NCALD: variants seen among roughly 807,000 people sequenced by gnomAD.
The protein encoded by NCALD is neurocalcin-delta.
A neutral mutation model predicts 18.6 loss-of-function variants in NCALD; 10 were observed. The observed-to-expected ratio is 0.54, with a 90% confidence interval of 0.33 to 0.91. NCALD has a LOEUF of 0.91. NCALD is among the 40% of genes least tolerant of loss of function. The pLI is 0.03. For missense variants in NCALD, 184 were observed against 247.6 expected, an observed-to-expected ratio of 0.74 and a Z score of 1.72; for synonymous variants, 88 against 87.4, an observed-to-expected ratio of 1.01 and a Z score of -0.04.
intron 4 of NCALD, among the ~76,000 whole-genome samples, chr8:101,865,656 T>C (rs1296404839): frequency 7.0e-6 from 1 of 142,758 alleles, no homozygotes; most frequent in East Asian, 1.9e-4. Context: ...TTTGTGCATA[T>C]GATATTTCTT....
chr8:102,041,406 C>T (rs1823045017), intron 1 of NCALD, among the ~76,000 whole-genome samples: 1 of 152,216 alleles, frequency 6.6e-6, no homozygotes, highest in African/African-American at 2.4e-5. Context: ...CCTAGAAGAT[C>T]CAAGAAGTGA....
chr8:101,942,340 T>C (rs1309195669), intron 2 of NCALD, among the ~76,000 whole-genome samples: 1 of 152,218 alleles, frequency 6.6e-6, no homozygotes, highest in Non-Finnish European at 1.5e-5. Flanking sequence ...TTCTGTGCTA[T>C]GGCAACTTTT....
chr8:102,073,937 T>C (rs1247146577), intron 1 of NCALD, among the ~76,000 whole-genome samples: 1 of 152,220 alleles, frequency 6.6e-6, no homozygotes, highest in Admixed American at 6.5e-5. Flanking sequence ...AATCTGGCAG[T>C]TGAATTGGAA....
chr8:101,813,397 T>A (rs1188971022), intron 4 of NCALD, among the ~76,000 whole-genome samples: 1 of 152,080 alleles, frequency 6.6e-6, no homozygotes, highest in Non-Finnish European at 1.5e-5. Context: ...GAGCACATGA[T>A]GAACTGGGCA....
At chr8:102,092,004 G>A (rs904021191) in intron 1 of NCALD, among the ~76,000 whole-genome samples, 16 of 152,200 alleles carry the variant, frequency 1.1e-4, no homozygotes, top group African/African-American at 3.1e-4. Context: ...GGTAAAATGA[G>A]GCTGAGACGT....
chr8:101,993,443 G>A (rs1821125632), intron 2 of NCALD, among the ~76,000 whole-genome samples: 1 of 152,228 alleles, frequency 6.6e-6, no homozygotes, highest in South Asian at 2.1e-4. Flanking sequence ...GCAAAGGGAA[G>A]AGGAGCTCCA....
chr8:101,784,146 G>A (rs537362552), intron 1 of NCALD, among the ~76,000 whole-genome samples: 3 of 152,214 alleles, frequency 2.0e-5, no homozygotes, highest in African/African-American at 7.2e-5. Context: ...TCAGGAGGGG[G>A]AAGGAAGACC....
intron 1 of NCALD, among the ~76,000 whole-genome samples, chr8:102,063,866 C>T (rs1261628448): frequency 6.6e-6 from 1 of 152,182 alleles, no homozygotes; most frequent in Non-Finnish European, 1.5e-5. Flanking sequence ...AAAACAGCTC[C>T]TGCTTCATCC....
chr8:101,779,668 AC>A (rs1465090389), intron 1 of NCALD, among the ~76,000 whole-genome samples: 4 of 152,108 alleles, frequency 2.6e-5, no homozygotes, highest in Non-Finnish European at 5.9e-5. Context: ...TATAATTTTC[AC>A]CAAGAGAACA....
chr8:101,868,346 G>T (rs1026802418), intron 4 of NCALD, among the ~76,000 whole-genome samples: 8 of 152,118 alleles, frequency 5.3e-5, no homozygotes, highest in Non-Finnish European at 1.5e-5. Context: ...AGGGATCCCG[G>T]AATTCCCTGT....
chr8:102,086,776 C>T (rs1323525688), intron 1 of NCALD, among the ~76,000 whole-genome samples: 3 of 152,168 alleles, frequency 2.0e-5, no homozygotes, highest in African/African-American at 7.2e-5. Context: ...ACTGTTAAAG[C>T]ATTCAAAGTC....
At chr8:101,804,389 T>C (rs1183351037) in intron 4 of NCALD, among the ~76,000 whole-genome samples, 1 of 110,782 alleles carries the variant, frequency 9.0e-6, no homozygotes, top group Non-Finnish European at 1.7e-5. Context: ...TTACTATATA[T>C]AGAAATATAT....
At chr8:101,986,768 C>G (rs1167230788) in intron 2 of NCALD, among the ~76,000 whole-genome samples, 1 of 152,202 alleles carries the variant, frequency 6.6e-6, no homozygotes, top group Non-Finnish European at 1.5e-5. Context: ...GTTAATAGAA[C>G]TAAATAATTA....
chr8:102,081,563 A>C (rs1451246334), intron 1 of NCALD, among the ~76,000 whole-genome samples: 40 of 108,430 alleles, frequency 3.7e-4, no homozygotes, highest in South Asian at 6.7e-4. Flanking sequence ...AAAAAAAAAA[A>C]AAAAAAAAAA....
chr8:101,902,742 C>T (rs1303748727), intron 3 of NCALD, among the ~76,000 whole-genome samples: 2 of 152,164 alleles, frequency 1.3e-5, no homozygotes, highest in East Asian at 1.9e-4. Flanking sequence ...TTACTTTTCT[C>T]TCCCCCAGCA....
intron 1 of NCALD, among the ~76,000 whole-genome samples, chr8:101,741,810 A>G (rs1810199618): frequency 6.7e-6 from 1 of 149,824 alleles, no homozygotes; most frequent in South Asian, 2.1e-4. Flanking sequence ...GGTGGCATGC[A>G]TCTGTGGTCT....
At chr8:102,096,057 C>T (rs928864686) in intron 1 of NCALD, among the ~76,000 whole-genome samples, 3 of 152,174 alleles carry the variant, frequency 2.0e-5, no homozygotes, top group East Asian at 1.9e-4. Flanking sequence ...TAATGAAGAG[C>T]ATGGTCACAT....
chr8:101,739,709 G>C (rs1381981887), intron 1 of NCALD, among the ~76,000 whole-genome samples: 1 of 152,144 alleles, frequency 6.6e-6, no homozygotes, highest in African/African-American at 2.4e-5. Context: ...CCAGTGATTT[G>C]CCAGGGTCTC....
intron 2 of NCALD, chr8:101,694,436 GA>G (rs1160926546): frequency 6.6e-6 from 1 of 152,188 alleles, no homozygotes; most frequent in Non-Finnish European, 1.5e-5. Context: ...GTCAAAATAA[GA>G]ATGAAAACAG....
Sources: allele counts gnomAD v4.1 joint callset (sites outside exome capture counted in the v4.1 genomes callset), GRCh38; gene constraint gnomAD v4.1.1; transcripts MANE v1.5; gene names NCBI Gene and HGNC (gene_info 2026-07-23, HGNC 2026-07-21).